MFSD12: variants seen among roughly 807,000 people sequenced by gnomAD.
MFSD12 encodes the protein major facilitator superfamily domain containing 12.
MFSD12 carries 67 observed loss-of-function variants against 51.2 expected under a neutral mutation model. The ratio of observed to expected loss-of-function variants is 1.31; its 90% CI spans 1.08 to 1.60. The LOEUF (loss-of-function observed/expected upper bound fraction) is 1.60. Ranked by LOEUF, MFSD12 falls within the 40% of genes most tolerant of loss-of-function variation. The pLI is 0.00. For synonymous variants in MFSD12, 441 were observed against 316.7 expected, an observed-to-expected ratio of 1.39 and a Z score of -4.17; for missense variants, 921 against 673.0, an observed-to-expected ratio of 1.37 and a Z score of -4.08.
rs2031437310 is a variant in MFSD12 at position 3,550,944 on chromosome 19, G to A, written c.509+40C>T. On this transcript the variant is annotated intron_variant, in intron 2 of 9. Coordinates refer to ENST00000355415, the MANE Select transcript of MFSD12 (RefSeq NM_174983.5). The stretch of plus-strand genomic sequence containing the variant: ...GCCACTGACTGATACACCGAGCCGG[G>A]GCCCACCCTGCCCGTGGGGGAGGGT... The A allele has an allele frequency of 1.9e-6, 3 of 1,575,602 alleles. No individual in the cohort carries two copies. In the Admixed American group the frequency reaches 5.2e-5, roughly 27 times the overall value.
downstream of MFSD12, chr19:3,542,939 C>G (rs541452410): frequency 2.7e-6 from 4 of 1,483,214 alleles, no homozygotes; most frequent in Non-Finnish European, 3.6e-6. Flanking sequence ...TAGCCAGGGC[C>G]CTTGTCCTCT....
rs1236285144 is a variant in MFSD12 at position 3,549,654 on chromosome 19, C to T, written c.509+1330G>A. ...AGGAGAACCGCTTGAACCCAGGAGG[C>T]AGAGGTTGCAGTGAGCCGAGATGGC... On this transcript the variant is annotated intron_variant, in intron 2 of 9. Coordinates refer to ENST00000355415, the MANE Select transcript of MFSD12 (RefSeq NM_174983.5). Among the ~76,000 whole-genome samples the T allele has an allele frequency of 2.1e-5, 3 of 146,004 alleles. No individual in the cohort carries two copies. The Admixed American group carries it at 2.2e-4, about 10-fold the overall frequency.
chr19:3,549,027 C>T lies in MFSD12; in HGVS notation c.510-760G>A, dbSNP rs117197567. 5.5e-3 allele frequency among the ~76,000 whole-genome samples: 838 copies of T among 152,278 alleles called. 5 individuals carry two copies. Among genetic ancestry groups the T allele is most frequent in the East Asian group, 0.027 (142 of 5,170 alleles). ...CCTGGCTTTGGGCACCAGCTGGGGC[C>T]GAGTCCTCCTCTGAAATACGCGGGA... On this transcript the variant is annotated intron_variant, in intron 2 of 9. Transcript: ENST00000355415.
chr19:3,544,516 C>T lies in MFSD12; in HGVS notation c.*194G>A, dbSNP rs2145175216. The stretch of plus-strand genomic sequence containing the variant: ...TTGAGAATGGGACACCCTCAAAACC[C>T]AGGGGGTCCTTGCAAGTCCCTGGCG... On this transcript the variant is annotated 3_prime_UTR_variant, in exon 10 of 10. Coordinates refer to ENST00000355415, the MANE Select transcript of MFSD12 (RefSeq NM_174983.5). 4 of 1,405,064 alleles carry T rather than the reference C, an allele frequency of 2.8e-6. No homozygotes were observed. Among genetic ancestry groups the T allele is most frequent in the East Asian group, 5.1e-5 (2 of 38,948 alleles). The allele number at this position is 1,405,064 out of a possible 1,614,324, so 87.0% of individuals were successfully genotyped here.
In MFSD12 at chr19:3,544,305, C is replaced by T; in HGVS notation, c.*405G>A. ...GCCCAGCCCACCACCCCGTGGCTGT[C>T]TCCTCCAGGCTCCAGCCGTCCTGAG... is the stretch of plus-strand genomic sequence containing the variant. On this transcript the variant is annotated 3_prime_UTR_variant, in exon 10 of 10. Coordinates refer to ENST00000355415, the MANE Select transcript of MFSD12 (RefSeq NM_174983.5). 1 of 1,277,444 alleles carries T rather than the reference C, an allele frequency of 7.8e-7. No homozygotes were observed. Among genetic ancestry groups the T allele is most frequent in the Non-Finnish European group, 9.9e-7 (1 of 1,011,984 alleles). 79.1% of individuals were successfully genotyped at this position (1,277,444 alleles called of 1,614,324 possible).
At chr19:3,540,258 A>C (rs2030261019), downstream of MFSD12, among the ~76,000 whole-genome samples, 1 of 147,168 alleles carries the variant, frequency 6.8e-6, no homozygotes, top group African/African-American at 2.7e-5. Context: ...ATGCCCAGCT[A>C]ATTTTTGTTT....
downstream of MFSD12, chr19:3,542,201 T>A (rs2030474178): frequency 1.0e-6 from 1 of 985,348 alleles, no homozygotes; most frequent in Non-Finnish European, 1.2e-6. Flanking sequence ...TGAAATTGCC[T>A]TTCTAGTGGA....
At chr19:3,542,810 A>G, downstream of MFSD12, 3 of 1,372,224 alleles carry the variant, frequency 2.2e-6, no homozygotes, top group Non-Finnish European at 2.9e-6. Flanking sequence ...TCCCTGGGCC[A>G]TGGCTTAGTG....
downstream of MFSD12, among the ~76,000 whole-genome samples, chr19:3,541,124 AG>A (rs2030367899): frequency 7.3e-6 from 1 of 136,766 alleles, no homozygotes; most frequent in African/African-American, 2.8e-5. Context: ...AGCCGAGATC[AG>A]GCCACTGCAC....
rs371394283 is a variant in MFSD12 at position 3,544,820 on chromosome 19, C to G, written c.1409G>C (p.Arg470Pro). The G allele has an allele frequency of 3.7e-6, 6 of 1,612,194 alleles. No individual in the cohort carries two copies. The highest frequency in any genetic ancestry group is 2.2e-5 in the East Asian group (1 of 44,864). The part of the protein sequence containing the change: ...CLCSLLLWPT[R>P]LRRWDRDARP ...GGGCCAGGACTCACAGCGTCGCAGG[C>G]GGGTCGGCCACAGCAGGAGGCTACA... Residue 470 changes from arginine (R) to proline (P), a missense_variant, in exon 9 of 10, where the codon CGC becomes CCC. Transcript: ENST00000355415.
downstream of MFSD12, chr19:3,541,935 G>A (rs2030450694): frequency 1.7e-5 from 8 of 474,752 alleles, no homozygotes; most frequent in Non-Finnish European, 1.9e-5. Flanking sequence ...TCAGCTTCCC[G>A]AGTAGCTGGG....
In MFSD12 at chr19:3,557,231, G is replaced by C. The variant is rs2031776441; in HGVS notation, c.173C>G (p.Ala58Gly). Residue 58 changes from alanine (A) to glycine (G), a missense_variant, in exon 1 of 10, where the codon GCG becomes GGG. Coordinates refer to ENST00000355415, the MANE Select transcript of MFSD12 (RefSeq NM_174983.5). ...HSVRAYSSRG[A>G]GLLLLLGQVA... Reference sequence around the variant, plus strand: ...CTGGCCCAGCAGCAGCAGCAGCCCCGCGCCGCGGGAGCTGTAGGCGCGCAC... The same window carrying C: ...CTGGCCCAGCAGCAGCAGCAGCCCCCCGCCGCGGGAGCTGTAGGCGCGCAC... 6.3e-7 allele frequency: 1 copy of C among 1,591,040 alleles called. No individual in the cohort carries two copies. The highest frequency in any genetic ancestry group is 8.5e-7 in the Non-Finnish European group (1 of 1,170,802).
At chr19:3,545,155 CCCCTT>C (rs945940457) in intron 8 of MFSD12, among the ~76,000 whole-genome samples, 8 of 152,204 alleles carry the variant, frequency 5.3e-5, no homozygotes, top group Non-Finnish European at 1.0e-4. Context: ...CACCATGTCT[CCCCTT>C]CCCTGTCTCC....
Position 3,551,073 on chromosome 19 carries a change from A to C in MFSD12, c.420T>G (p.Phe140Leu), listed in dbSNP as rs2031447392. ...GGGAGATCTGTGTGGAGGCCCAGCC[A>C]AACTGGAAGATCACGATGAACGGGC... ...YYGPFIVIFQ[F>L]GWASTQISHL... Residue 140 changes from phenylalanine to leucine, a missense_variant, in exon 2 of 10, where the codon TTT becomes TTG. By Grantham distance (22) the Phe-to-Leu change is conservative. Transcript: ENST00000355415. The surrounding 1 kb of genome is among the most constrained non-coding windows in gnomAD (Gnocchi z 4.6). 6 of 1,613,076 alleles carry C rather than the reference A, an allele frequency of 3.7e-6. No homozygotes were observed. In the East Asian group the frequency reaches 1.3e-4, roughly 36 times the overall value.
At chr19:3,554,415 C>T (rs1022989480) in intron 1 of MFSD12, among the ~76,000 whole-genome samples, 11 of 146,400 alleles carry the variant, frequency 7.5e-5, no homozygotes, top group Non-Finnish European at 1.5e-4. Flanking sequence ...CCAGCCTGAG[C>T]GACAGAGTGA....
At chr19:3,553,885 C>G (rs1346453117) in intron 1 of MFSD12, among the ~76,000 whole-genome samples, 5 of 151,354 alleles carry the variant, frequency 3.3e-5, no homozygotes, top group Non-Finnish European at 7.4e-5. Context: ...AGTTCGAGAC[C>G]AGCCTGACCA....
intron 6 of MFSD12, among the ~76,000 whole-genome samples, chr19:3,546,754 C>T (rs966383197): frequency 2.6e-5 from 4 of 152,222 alleles, no homozygotes; most frequent in South Asian, 2.1e-4. Context: ...GGACAGAAAG[C>T]GCCAGAGCTC....
At chr19:3,539,281 G>C (rs746296153), downstream of MFSD12, 13 of 1,511,244 alleles carry the variant, frequency 8.6e-6, no homozygotes, top group African/African-American at 1.1e-4. Context: ...CCCTACAGGT[G>C]AGCCCCTCCC....
rs201876501 is a variant in MFSD12, at chr19:3,544,822, G to C, written c.1407C>G (p.Thr469=). The change falls in exon 9 of 10, where the codon ACC becomes ACG. Residue 469 remains threonine (T), a synonymous_variant. Coordinates refer to ENST00000355415, the MANE Select transcript of MFSD12 (RefSeq NM_174983.5). ...GCCAGGACTCACAGCGTCGCAGGCG[G>C]GTCGGCCACAGCAGGAGGCTACAGA... ...LCLCSLLLWP[T]RLRRWDRDAR... is the part of the protein sequence containing the mutation. The C allele has an allele frequency of 8.9e-5, 143 of 1,612,516 alleles. No homozygotes were observed. The highest frequency in any genetic ancestry group is 5.5e-4 in the African/African-American group (41 of 75,002).
Sources: gnomAD v4.1 joint callset for allele counts (sites outside exome capture counted in the v4.1 genomes callset) on GRCh38, gnomAD v4.1.1 for gene constraint, Gnocchi (gnomAD v3.1) non-coding constraint, MANE v1.5 for transcripts, NCBI Gene and HGNC (gene_info 2026-07-23, HGNC 2026-07-21) for gene names.